ETS1: variants seen among roughly 807,000 people sequenced by gnomAD.
ETS1 encodes ETS proto-oncogene 1, transcription factor.
Under a neutral mutation model 58.6 loss-of-function variants are expected in ETS1, and 15 were observed. The ratio of observed to expected loss-of-function variants is 0.26; its 90% CI spans 0.17 to 0.39. ETS1 has a LOEUF of 0.39. Among genes scored for constraint, ETS1 ranks in the 10% least tolerant of loss-of-function variants. The pLI is 1.00. For missense variants in ETS1, 417 were observed against 610.5 expected, an observed-to-expected ratio of 0.68 and a Z score of 3.34; for synonymous variants, 214 against 218.2, an observed-to-expected ratio of 0.98 and a Z score of 0.17.
At chr11:128,571,602 G>C (rs7928282) in intron 2 of ETS1, among the ~76,000 whole-genome samples, 11 of 148,000 alleles carry the variant, frequency 7.4e-5, no homozygotes, top group African/African-American at 2.7e-4. Context: ...AGTTAACTGT[G>C]TCATACTTAA....
chr11:128,556,239 T>C, intron 3 of ETS1, 52 bp downstream of exon 3: 2 of 1,502,884 alleles, frequency 1.3e-6, no homozygotes, highest in South Asian at 2.5e-5. Context: ...TCATCACATT[T>C]CCATTGTCCT....
At position 128,563,131 on chromosome 11, in the gene ETS1, C is replaced by A. The variant is rs75856160; in HGVS notation, c.70-6696G>T. On this transcript the variant is annotated intron_variant, in intron 2 of 9. Coordinates refer to ENST00000392668, the MANE Select transcript of ETS1 (RefSeq NM_001143820.2). ...GAGTAACTCCCTAGTTGCTCACCTT[C>A]TGTATGTGTTACTTGGAGCCTAAAC... 6.4e-3 allele frequency among the ~76,000 whole-genome samples: 974 copies of A among 152,256 alleles called. 10 individuals carry two copies. The highest frequency in any genetic ancestry group is 0.022 in the African/African-American group (918 of 41,528).
At chr11:128,539,329 T>C (rs982901374) in intron 3 of ETS1, among the ~76,000 whole-genome samples, 1 of 152,230 alleles carries the variant, frequency 6.6e-6, no homozygotes, top group African/African-American at 2.4e-5. Context: ...TCAGAATATG[T>C]AAAGAACTCT....
chr11:128,528,526 T>C (rs1863842288), intron 3 of ETS1, among the ~76,000 whole-genome samples: 1 of 152,170 alleles, frequency 6.6e-6, no homozygotes, highest in African/African-American at 2.4e-5. Context: ...TATTTGAATA[T>C]GCGTGTCAGT....
At position 128,463,178 on chromosome 11, in the gene ETS1, T is replaced by C. The variant is rs2135408862; in HGVS notation, c.1242+331A>G. On this transcript the variant is annotated intron_variant, in intron 9 of 9. Coordinates refer to ENST00000392668, the MANE Select transcript of ETS1 (RefSeq NM_001143820.2). The surrounding 1 kb of genome is among the most constrained non-coding windows in gnomAD (Gnocchi z 4.1). ...CAATCTCCCAAGGCCTCTTGAACTG[T>C]CTGGCCCCTTTCACACTCACAGAGC... 6.6e-6 allele frequency among the ~76,000 whole-genome samples: 1 copy of C among 152,322 alleles called. No homozygotes were observed. Among genetic ancestry groups the C allele is most frequent in the East Asian group, 1.9e-4 (1 of 5,190 alleles).
At chr11:128,532,517 G>A (rs1308569177) in intron 3 of ETS1, among the ~76,000 whole-genome samples, 1 of 152,148 alleles carries the variant, frequency 6.6e-6, no homozygotes, top group Non-Finnish European at 1.5e-5. Flanking sequence ...GACTTAATTG[G>A]TTTTCTGGGG....
At chr11:128,480,109 T>C in intron 8 of ETS1, 82 bp downstream of exon 8, 4 of 1,560,752 alleles carry the variant, frequency 2.6e-6, no homozygotes, top group Non-Finnish European at 3.5e-6. Context: ...TCGTCTCTGG[T>C]CAGAGGTGCA....
intron 3 of ETS1, among the ~76,000 whole-genome samples, chr11:128,518,248 A>C: frequency 6.6e-6 from 1 of 152,196 alleles, no homozygotes. Context: ...AGCAGGTGAA[A>C]AGGTCCTCCT....
intron 8 of ETS1, among the ~76,000 whole-genome samples, chr11:128,474,155 G>A (rs753483758): frequency 1.2e-4 from 19 of 152,174 alleles, no homozygotes; most frequent in Non-Finnish European, 1.9e-4. Context: ...GGGTCAACCC[G>A]TGAGTCTCCT....
At chr11:128,486,229 A>T in intron 5 of ETS1, 83 bp from the exon 6 acceptor site, 2 of 831,514 alleles carry the variant, frequency 2.4e-6, no homozygotes, top group Non-Finnish European at 4.1e-6. Context: ...TGCAAAGACC[A>T]CAATGATCTC....
chr11:128,551,690 C>T (rs1260283726), intron 3 of ETS1, among the ~76,000 whole-genome samples: 1 of 152,124 alleles, frequency 6.6e-6, no homozygotes, highest in Admixed American at 6.5e-5. Context: ...GTATCCCGGG[C>T]ATGGCACTGG....
chr11:128,466,153 C>T (rs996539409), intron 8 of ETS1, among the ~76,000 whole-genome samples: 4 of 152,354 alleles, frequency 2.6e-5, no homozygotes, highest in East Asian at 1.9e-4. Flanking sequence ...TGCCAGGCCC[C>T]GCCATGGCAT....
intron 2 of ETS1, among the ~76,000 whole-genome samples, chr11:128,566,740 G>A (rs1013504999): frequency 2.7e-5 from 4 of 150,138 alleles, no homozygotes; most frequent in Non-Finnish European, 5.9e-5. Context: ...CCGAGAGGGC[G>A]CCACTGCACT....
At chr11:128,573,483 C>G (rs929649615) in intron 1 of ETS1, among the ~76,000 whole-genome samples, 5 of 152,104 alleles carry the variant, frequency 3.3e-5, no homozygotes, top group African/African-American at 7.2e-5. Context: ...GTGTCTCCCC[C>G]ACCCACAACC....
chr11:128,495,410 C>T (rs544327548), intron 3 of ETS1, among the ~76,000 whole-genome samples: 41 of 152,294 alleles, frequency 2.7e-4, no homozygotes, highest in South Asian at 2.1e-3. Flanking sequence ...ATACAGCTAG[C>T]CCCGTAAGAA....
rs370401410 is a variant in ETS1, at chr11:128,463,797, A to G, written c.1124-170T>C. On this transcript the variant is annotated intron_variant, in intron 8 of 9. Transcript: ENST00000392668. This position sits in a 1 kb window ranked among gnomAD's most constrained non-coding sequence, Gnocchi z 4.1. ...GAGGAAGTGTTATGAGCTCGAACAG[A>G]TAGAAAAGACAAAGGCCTCCCTATA... is the stretch of plus-strand genomic sequence containing the variant. 11 of 496,076 alleles carry G rather than the reference A, an allele frequency of 2.2e-5. No individual in the cohort carries two copies. In the South Asian group the frequency reaches 2.6e-4, roughly 12 times the overall value. The allele number at this position is 496,076 out of a possible 1,614,324, so 30.7% of individuals were successfully genotyped here. A position where few individuals can be genotyped will look rare whatever the true frequency, so the allele number is the denominator to read the frequency against.
At chr11:128,470,552 A>G (rs1411838100) in intron 8 of ETS1, among the ~76,000 whole-genome samples, 1 of 152,178 alleles carries the variant, frequency 6.6e-6, no homozygotes, top group African/African-American at 2.4e-5. Context: ...ATATAGACAG[A>G]GAGAGAGAAA....
In ETS1 at chr11:128,489,176, A is replaced by G. The variant is rs1862724381; in HGVS notation, c.535+114T>C. On this transcript the variant is annotated intron_variant, in intron 5 of 9. Transcript: ENST00000392668. ...CTAGGCACATTCCCACATACGTCCT[A>G]CAGTAGGACACCCACAGATAAAGGC... 3.6e-6 allele frequency: 3 copies of G among 844,082 alleles called. No individual in the cohort carries two copies. The South Asian group carries it at 4.4e-5, about 13-fold the overall frequency. 52.3% of individuals were successfully genotyped at this position (844,082 alleles called of 1,614,324 possible). A position where few individuals can be genotyped will look rare whatever the true frequency, so the allele number is the denominator to read the frequency against.
At chr11:128,558,314 AAC>A (rs1322316224) in intron 2 of ETS1, among the ~76,000 whole-genome samples, 1 of 152,168 alleles carries the variant, frequency 6.6e-6, no homozygotes, top group Non-Finnish European at 1.5e-5. Context: ...GAGACAGGGG[AAC>A]CATCAGCAAG....
Sources: allele counts gnomAD v4.1 joint callset (sites outside exome capture counted in the v4.1 genomes callset), GRCh38; gene constraint gnomAD v4.1.1; non-coding constraint Gnocchi (gnomAD v3.1); transcripts MANE v1.5; gene names NCBI Gene and HGNC (gene_info 2026-07-23, HGNC 2026-07-21).